Variants in RAP1GDS1 observed in about 807,000 individuals in gnomAD.
The protein encoded by RAP1GDS1 is RAP1, GTP-GDP dissociation stimulator 1.
Under a neutral mutation model 71.1 loss-of-function variants are expected in RAP1GDS1, and 35 were observed. The observed-to-expected ratio is 0.49, with a 90% CI of 0.38 to 0.65. The LOEUF is 0.65. Ranked by LOEUF, RAP1GDS1 falls within the 30% of genes least tolerant of loss-of-function variation. The probability of loss-of-function intolerance (pLI) is 0.00; values close to 1 mark genes in which losing one functional copy is unlikely to be tolerated. For missense variants in RAP1GDS1, 663 were observed against 706.1 expected, an observed-to-expected ratio of 0.94 and a Z score of 0.69; for synonymous variants, 229 against 243.1, an observed-to-expected ratio of 0.94 and a Z score of 0.54.
At chr4:98,268,080 T>A (rs1359613438) in intron 1 of RAP1GDS1, among the ~76,000 whole-genome samples, 4 of 152,158 alleles carry the variant, frequency 2.6e-5, no homozygotes, top group African/African-American at 4.8e-5. Flanking sequence ...CTCATTGTGG[T>A]TTGATTTGCA....
At chr4:98,338,095 T>C (rs191148545) in intron 2 of RAP1GDS1, among the ~76,000 whole-genome samples, 1 of 152,144 alleles carries the variant, frequency 6.6e-6, no homozygotes, top group Admixed American at 6.5e-5. Flanking sequence ...TGAAGTAATA[T>C]GAATGTAGAA....
At chr4:98,335,878 G>A (rs1734651725) in intron 2 of RAP1GDS1, among the ~76,000 whole-genome samples, 2 of 149,714 alleles carry the variant, frequency 1.3e-5, no homozygotes, top group African/African-American at 2.5e-5. Flanking sequence ...CTTGTATAAA[G>A]TAGTATTTCC....
chr4:98,425,609 A>C (rs970809690), intron 12 of RAP1GDS1, among the ~76,000 whole-genome samples: 2 of 152,228 alleles, frequency 1.3e-5, no homozygotes, highest in African/African-American at 4.8e-5. Context: ...ACTTTAAAGA[A>C]ACAGCAGTTC....
intron 2 of RAP1GDS1, among the ~76,000 whole-genome samples, chr4:98,322,112 T>C (rs1239572261): frequency 1.0e-5 from 1 of 99,346 alleles, no homozygotes; most frequent in African/African-American, 4.1e-5. Flanking sequence ...AAGGCAGGGA[T>C]TGCAATCCTA....
intron 5 of RAP1GDS1, among the ~76,000 whole-genome samples, chr4:98,387,230 A>G (rs1742903313): frequency 6.6e-6 from 1 of 152,198 alleles, no homozygotes; most frequent in South Asian, 2.1e-4. Flanking sequence ...AAAAAGCTTA[A>G]TCTTATAACA....
chr4:98,328,108 T>C (rs1229231416), intron 2 of RAP1GDS1, among the ~76,000 whole-genome samples: 2 of 152,226 alleles, frequency 1.3e-5, no homozygotes, highest in Admixed American at 6.5e-5. Context: ...ATTGTAACCA[T>C]GTGGCCTGTT....
intron 11 of RAP1GDS1, among the ~76,000 whole-genome samples, chr4:98,420,957 A>G (rs551630690): frequency 3.9e-5 from 6 of 152,284 alleles, no homozygotes; most frequent in African/African-American, 1.4e-4. Flanking sequence ...CCTTTTCTAT[A>G]TTGATTGCAT....
At chr4:98,286,620 A>G (rs28536684) in intron 1 of RAP1GDS1, among the ~76,000 whole-genome samples, 1 of 151,930 alleles carries the variant, frequency 6.6e-6, no homozygotes, top group Non-Finnish European at 1.5e-5. Flanking sequence ...CGCGGTGGCT[A>G]ACGCCTATAA....
chr4:98,401,582 T>G (rs891422082), intron 6 of RAP1GDS1, among the ~76,000 whole-genome samples: 2 of 152,218 alleles, frequency 1.3e-5, no homozygotes, highest in African/African-American at 4.8e-5. Flanking sequence ...AGTCTGCTGA[T>G]AATATTAGGC....
rs143306900 is a variant in RAP1GDS1, at chr4:98,372,595, G to A, written c.362-6422G>A. On this transcript the variant is annotated intron_variant, in intron 4 of 14. Coordinates refer to ENST00000408927, the MANE Select transcript of RAP1GDS1 (RefSeq NM_001100427.2). The stretch of plus-strand genomic sequence containing the variant: ...CATTAATTTAATCAATCACCTTACT[G>A]TACAGTTCCACTTCCTCCCTTAAAT... Among the ~76,000 whole-genome samples the A allele has an allele frequency of 6.9e-3, 1,049 of 152,222 alleles. 10 individuals are homozygous for A. Among genetic ancestry groups the A allele is most frequent in the Non-Finnish European group, 0.011 (766 of 68,004 alleles).
At chr4:98,373,879 G>A (rs1044860537) in intron 4 of RAP1GDS1, among the ~76,000 whole-genome samples, 11 of 152,126 alleles carry the variant, frequency 7.2e-5, no homozygotes, top group Non-Finnish European at 1.2e-4. Context: ...GCGATACCGT[G>A]ACAGCTGATC....
intron 1 of RAP1GDS1, among the ~76,000 whole-genome samples, chr4:98,267,244 T>A (rs1189881260): frequency 6.6e-6 from 1 of 152,128 alleles, no homozygotes; most frequent in Non-Finnish European, 1.5e-5. Flanking sequence ...ATTAAATGAG[T>A]TTGGAAGTAT....
At chr4:98,308,014 C>T (rs771807448) in intron 2 of RAP1GDS1, among the ~76,000 whole-genome samples, 6 of 151,702 alleles carry the variant, frequency 4.0e-5, no homozygotes, top group South Asian at 2.1e-4. Flanking sequence ...ATAATAAGGC[C>T]GGGCACAGTG....
chr4:98,405,747 C>T (rs570123244), intron 7 of RAP1GDS1, among the ~76,000 whole-genome samples: 1 of 151,780 alleles, frequency 6.6e-6, no homozygotes, highest in East Asian at 1.9e-4. Context: ...ACCTTCTCAA[C>T]AGCAACAATG....
chr4:98,383,217 T>C (rs1452670109), intron 5 of RAP1GDS1, among the ~76,000 whole-genome samples: 1 of 151,666 alleles, frequency 6.6e-6, no homozygotes, highest in Non-Finnish European at 1.5e-5. Context: ...GGGAAAATTC[T>C]ATTATAACTC....
chr4:98,340,176 G>A (rs1735292169), intron 2 of RAP1GDS1, among the ~76,000 whole-genome samples: 1 of 152,092 alleles, frequency 6.6e-6, no homozygotes, highest in African/African-American at 2.4e-5. Flanking sequence ...TTGTATTATT[G>A]GTCATGTACC....
chr4:98,308,152 A>ATG (rs1343443158), intron 2 of RAP1GDS1, among the ~76,000 whole-genome samples: 39 of 150,864 alleles, frequency 2.6e-4, no homozygotes, highest in African/African-American at 9.5e-4. Flanking sequence ...ATATGTGTGT[A>ATG]TATATGTGTG....
chr4:98,384,913 T>TA, intron 5 of RAP1GDS1, among the ~76,000 whole-genome samples: 1 of 151,906 alleles, frequency 6.6e-6, no homozygotes, highest in East Asian at 1.9e-4. Context: ...ATGCATTTAA[T>TA]ATCATAATAC....
At chr4:98,405,032 A>T (rs537373955) in intron 7 of RAP1GDS1, among the ~76,000 whole-genome samples, 13 of 152,300 alleles carry the variant, frequency 8.5e-5, no homozygotes, top group African/African-American at 3.1e-4. Flanking sequence ...CAGAAGAAAC[A>T]AACTATTCCA....
Sources: gnomAD v4.1 joint callset for allele counts (sites outside exome capture counted in the v4.1 genomes callset) on GRCh38, gnomAD v4.1.1 for gene constraint, MANE v1.5 for transcripts, NCBI Gene and HGNC (gene_info 2026-07-23, HGNC 2026-07-21) for gene names.